GPC5: variants seen among roughly 807,000 people sequenced by gnomAD.
GPC5 encodes the protein glypican 5.
GPC5 carries 47 observed loss-of-function variants against 53.9 expected under a neutral mutation model. That is an observed-to-expected ratio of 0.87 (90% CI 0.69 to 1.11). The LOEUF is 1.11. Ranked by LOEUF, GPC5 falls within the 50% of genes most tolerant of loss-of-function variation. GPC5 has a pLI of 0.00. For missense variants in GPC5, 748 were observed against 713.1 expected, an observed-to-expected ratio of 1.05 and a Z score of -0.56; for synonymous variants, 286 against 263.3, an observed-to-expected ratio of 1.09 and a Z score of -0.84.
chr13:92,384,942 A>G (rs9523656), intron 7 of GPC5, among the ~76,000 whole-genome samples: 86,237 of 151,868 alleles, frequency 0.57, 24,962 homozygotes, highest in African/African-American at 0.67. Flanking sequence ...AAGCACTCCT[A>G]AGGAAAATTG....
intron 7 of GPC5, among the ~76,000 whole-genome samples, chr13:92,598,099 T>G (rs1883935536): frequency 6.6e-6 from 1 of 152,132 alleles, no homozygotes; most frequent in Non-Finnish European, 1.5e-5. Flanking sequence ...ACTGGATGAG[T>G]TGTCATTTCT....
chr13:92,122,376 A>T (rs769012115), intron 6 of GPC5, among the ~76,000 whole-genome samples: 3 of 151,778 alleles, frequency 2.0e-5, no homozygotes, highest in Non-Finnish European at 4.4e-5. Context: ...ACTTCTGAAG[A>T]GATACTGCCT....
intron 7 of GPC5, among the ~76,000 whole-genome samples, chr13:92,664,520 C>A (rs987999372): frequency 6.6e-6 from 1 of 151,936 alleles, no homozygotes; most frequent in South Asian, 2.1e-4. Context: ...GAAATCATAG[C>A]GTATAGACAA....
intron 7 of GPC5, among the ~76,000 whole-genome samples, chr13:92,740,960 G>GTGTATATATATATATATATATATATATA (rs35795926): frequency 2.7e-4 from 32 of 117,756 alleles, no homozygotes; most frequent in African/African-American, 1.0e-3. Flanking sequence ...ATATGTATGT[G>GTGTATATATATATATATATATATATATA]TATATATATA....
At chr13:91,541,620 T>G (rs2029932703) in intron 2 of GPC5, among the ~76,000 whole-genome samples, 1 of 152,080 alleles carries the variant, frequency 6.6e-6, no homozygotes, top group Admixed American at 6.5e-5. Context: ...ATTAGAATTA[T>G]GTAGTCAAGT....
intron 5 of GPC5, among the ~76,000 whole-genome samples, chr13:91,876,341 A>G (rs2039201403): frequency 6.6e-6 from 1 of 152,198 alleles, no homozygotes; most frequent in Admixed American, 6.5e-5. Context: ...GAAGACAGGA[A>G]AATGTGGGAA....
At chr13:92,787,759 C>CA (rs1305309032) in intron 7 of GPC5, among the ~76,000 whole-genome samples, 30 of 148,268 alleles carry the variant, frequency 2.0e-4, no homozygotes, top group African/African-American at 7.4e-4. Context: ...TACTTATAGT[C>CA]CCAGCTACTT....
At chr13:92,032,432 T>C (rs1254814086) in intron 6 of GPC5, among the ~76,000 whole-genome samples, 1 of 149,096 alleles carries the variant, frequency 6.7e-6, no homozygotes, top group African/African-American at 2.5e-5. Context: ...CCCAAACCTA[T>C]GGAAATAAAA....
chr13:92,291,438 T>C (rs906805274), intron 7 of GPC5, among the ~76,000 whole-genome samples: 4 of 152,122 alleles, frequency 2.6e-5, no homozygotes, highest in African/African-American at 9.7e-5. Flanking sequence ...TCAGGGTTTG[T>C]GAATGCACCA....
intron 7 of GPC5, among the ~76,000 whole-genome samples, chr13:92,172,802 T>G (rs1165787323): frequency 6.6e-6 from 1 of 152,064 alleles, no homozygotes; most frequent in Non-Finnish European, 1.5e-5. Flanking sequence ...ACATGATATC[T>G]GAAACTATTT....
At chr13:91,923,516 A>C (rs1285009523) in intron 6 of GPC5, among the ~76,000 whole-genome samples, 3 of 152,228 alleles carry the variant, frequency 2.0e-5, no homozygotes, top group African/African-American at 7.2e-5. Flanking sequence ...AGTTCCATTA[A>C]AAACCAAATT....
At chr13:92,732,050 A>G (rs1440352185) in intron 7 of GPC5, among the ~76,000 whole-genome samples, 2 of 151,386 alleles carry the variant, frequency 1.3e-5, no homozygotes, top group Non-Finnish European at 3.0e-5. Context: ...TCTTGGTGAG[A>G]GTGCTTTAAT....
chr13:92,576,656 A>T (rs2139047553), intron 7 of GPC5, among the ~76,000 whole-genome samples: 1 of 152,322 alleles, frequency 6.6e-6, no homozygotes. Flanking sequence ...TGTGATAGGA[A>T]ACCATAGTTC....
intron 7 of GPC5, among the ~76,000 whole-genome samples, chr13:92,717,280 G>A (rs887756694): frequency 2.0e-5 from 3 of 152,072 alleles, no homozygotes; most frequent in African/African-American, 7.2e-5. Context: ...AGGGAAAAAG[G>A]AGATCCTGGT....
chr13:91,566,678 T>C (rs2031546234), intron 2 of GPC5, among the ~76,000 whole-genome samples: 1 of 152,172 alleles, frequency 6.6e-6, no homozygotes, highest in Non-Finnish European at 1.5e-5. Context: ...AGGTAATCCT[T>C]ACATAAATTT....
chr13:91,941,153 G>A (rs1000983314), intron 6 of GPC5, among the ~76,000 whole-genome samples: 1 of 151,864 alleles, frequency 6.6e-6, no homozygotes, highest in African/African-American at 2.4e-5. Context: ...AAGATCAGAT[G>A]GTTATAGGCA....
chr13:92,527,247 A>G (rs75040488), intron 7 of GPC5, among the ~76,000 whole-genome samples: 158 of 28,708 alleles, frequency 5.5e-3, no homozygotes, highest in South Asian at 8.5e-3. Context: ...GAAAGAAAGA[A>G]AGAGAAAGAA....
chr13:92,360,855 G>C (rs1371416308), intron 7 of GPC5, among the ~76,000 whole-genome samples: 2 of 151,818 alleles, frequency 1.3e-5, no homozygotes, highest in East Asian at 3.9e-4. Flanking sequence ...TGACCCAGTA[G>C]ATAATTAGCA....
chr13:91,910,687 A>G (rs1332414812), intron 6 of GPC5, among the ~76,000 whole-genome samples: 1 of 152,202 alleles, frequency 6.6e-6, no homozygotes, highest in African/African-American at 2.4e-5. Flanking sequence ...TCACTAAGGA[A>G]ATAGATAAAG....
Sources: allele counts gnomAD v4.1 joint callset (sites outside exome capture counted in the v4.1 genomes callset), GRCh38; gene constraint gnomAD v4.1.1; transcripts MANE v1.5; gene names NCBI Gene and HGNC (gene_info 2026-07-23, HGNC 2026-07-21).